ZNF277: variants seen among roughly 807,000 people sequenced by gnomAD.
ZNF277 encodes nuclear receptor-interacting factor 4.
A neutral mutation model predicts 60.7 loss-of-function variants in ZNF277; 55 were observed. The ratio of observed to expected loss-of-function variants is 0.91; its 90% CI spans 0.73 to 1.13. The LOEUF (loss-of-function observed/expected upper bound fraction) is 1.13. Among genes scored for constraint, ZNF277 ranks in the 50% most tolerant of loss-of-function variants. ZNF277 has a pLI of 0.00. For missense variants in ZNF277, 510 were observed against 523.0 expected, an observed-to-expected ratio of 0.98 and a Z score of 0.24; for synonymous variants, 178 against 179.3, an observed-to-expected ratio of 0.99 and a Z score of 0.06.
intron 2 of ZNF277, chr7:112,287,910 A>G (rs1211647607): frequency 7.3e-6 from 1 of 136,096 alleles, no homozygotes; most frequent in African/African-American, 3.5e-5. Flanking sequence ...TTTATTTTCT[A>G]TAAGTTCTCT....
At chr7:112,208,593 CTTCTT>C (rs1821641787) in intron 1 of ZNF277, among the ~76,000 whole-genome samples, 1 of 138,298 alleles carries the variant, frequency 7.2e-6, no homozygotes, top group Non-Finnish European at 1.5e-5. Context: ...TATTCTTCTT[CTTCTT>C]TTTTTTTTTT....
At chr7:112,231,021 TG>T (rs1228001895) in intron 1 of ZNF277, among the ~76,000 whole-genome samples, 4 of 152,118 alleles carry the variant, frequency 2.6e-5, no homozygotes, top group Non-Finnish European at 4.4e-5. Context: ...AAGACCAGCC[TG>T]GTCAACATAG....
intron 4 of ZNF277, among the ~76,000 whole-genome samples, chr7:112,296,908 A>ATTTATTTATT (rs1792356183): frequency 5.4e-5 from 2 of 37,186 alleles, no homozygotes; most frequent in African/African-American, 1.2e-4. Context: ...TTATTTATTT[A>ATTTATTTATT]TTTATTTTTT....
chr7:112,269,250 G>T (rs975811927), intron 1 of ZNF277, among the ~76,000 whole-genome samples: 4 of 149,412 alleles, frequency 2.7e-5, no homozygotes, highest in Non-Finnish European at 5.9e-5. Flanking sequence ...GTAAATAAAA[G>T]ACTCTACATC....
intron 2 of ZNF277, among the ~76,000 whole-genome samples, chr7:112,293,152 C>T (rs1232106304): frequency 6.6e-6 from 1 of 152,140 alleles, no homozygotes; most frequent in African/African-American, 2.4e-5. Context: ...CTCTATTCAC[C>T]ATTGCCTCCG....
intron 1 of ZNF277, among the ~76,000 whole-genome samples, chr7:112,225,166 A>G (rs895503679): frequency 6.6e-6 from 1 of 152,174 alleles, no homozygotes; most frequent in Non-Finnish European, 1.5e-5. Flanking sequence ...CCAGGTAGAG[A>G]TGAGGCCAAG....
At chr7:112,248,787 C>A (rs999378722) in intron 1 of ZNF277, among the ~76,000 whole-genome samples, 1 of 152,058 alleles carries the variant, frequency 6.6e-6, no homozygotes, top group Admixed American at 6.6e-5. Flanking sequence ...ACTATACATT[C>A]AAAAATGATA....
intron 1 of ZNF277, among the ~76,000 whole-genome samples, chr7:112,208,502 A>G (rs1821638482): frequency 6.6e-6 from 1 of 151,972 alleles, no homozygotes; most frequent in Non-Finnish European, 1.5e-5. Context: ...TATGAAGTAA[A>G]AAAAATGAAA....
At chr7:112,233,025 T>G (rs549706915) in intron 1 of ZNF277, among the ~76,000 whole-genome samples, 1 of 152,322 alleles carries the variant, frequency 6.6e-6, no homozygotes, top group South Asian at 2.1e-4. Context: ...AACTTTTCTG[T>G]GAAATGTTCT....
At chr7:112,220,848 G>C (rs1178909659) in intron 1 of ZNF277, among the ~76,000 whole-genome samples, 3 of 152,154 alleles carry the variant, frequency 2.0e-5, no homozygotes, top group African/African-American at 4.8e-5. Context: ...TCACCTGAGA[G>C]CATAGGGGGA....
chr7:112,302,364 A>G (rs1792495959), intron 4 of ZNF277, among the ~76,000 whole-genome samples: 1 of 152,126 alleles, frequency 6.6e-6, no homozygotes, highest in Admixed American at 6.6e-5. Context: ...GACTTTCAGT[A>G]AAGGATCAAA....
chr7:112,317,973 T>A (rs534146117), intron 4 of ZNF277, among the ~76,000 whole-genome samples: 2 of 152,104 alleles, frequency 1.3e-5, no homozygotes, highest in Admixed American at 1.3e-4. Flanking sequence ...AATTCCCACA[T>A]AGCTGTTAAA....
chr7:112,291,622 T>TG (rs1792208944), intron 2 of ZNF277, among the ~76,000 whole-genome samples: 1 of 150,024 alleles, frequency 6.7e-6, no homozygotes, highest in Non-Finnish European at 1.5e-5. Context: ...TTCTAGTGAG[T>TG]GGGAAAAAAT....
At chr7:112,246,807 C>T (rs774605163) in intron 1 of ZNF277, among the ~76,000 whole-genome samples, 1 of 152,128 alleles carries the variant, frequency 6.6e-6, no homozygotes, top group Non-Finnish European at 1.5e-5. Context: ...TGAATAAATG[C>T]TGATTTAATG....
intron 1 of ZNF277, among the ~76,000 whole-genome samples, chr7:112,284,800 A>G (rs1287629878): frequency 3.3e-5 from 5 of 152,062 alleles, no homozygotes; most frequent in African/African-American, 9.7e-5. Context: ...CTTCTATGGG[A>G]CACCTTCCTT....
intron 4 of ZNF277, among the ~76,000 whole-genome samples, chr7:112,302,217 AAC>A (rs1792492767): frequency 6.6e-6 from 1 of 152,158 alleles, no homozygotes. Flanking sequence ...TCAGGAGAGA[AAC>A]AGTTTTTTCT....
At chr7:112,287,560 A>G (rs1043011029) in intron 2 of ZNF277, 2 of 135,198 alleles carry the variant, frequency 1.5e-5, no homozygotes, top group African/African-American at 5.5e-5. Flanking sequence ...GAGTTTTGCT[A>G]TTGTCACCCA....
chr7:112,313,507 G>T (rs1209739093), intron 4 of ZNF277, among the ~76,000 whole-genome samples: 2 of 151,826 alleles, frequency 1.3e-5, no homozygotes, highest in African/African-American at 4.8e-5. Flanking sequence ...TGTGTTTATA[G>T]TATTAAAAGT....
intron 4 of ZNF277, among the ~76,000 whole-genome samples, chr7:112,316,954 A>G (rs10266976): frequency 0.053 from 7,811 of 146,880 alleles, 299 homozygotes; most frequent in Admixed American, 0.13. Flanking sequence ...CATATACACC[A>G]TGGAATACTA....
Sources: allele counts gnomAD v4.1 joint callset (sites outside exome capture counted in the v4.1 genomes callset), GRCh38; gene constraint gnomAD v4.1.1; transcripts MANE v1.5; gene names NCBI Gene and HGNC (gene_info 2026-07-23, HGNC 2026-07-21).